SMC4: variants seen among roughly 807,000 people sequenced by gnomAD.
SMC4 encodes structural maintenance of chromosomes protein 4.
In SMC4, 87 loss-of-function variants were observed where a neutral mutation model predicts 145.6. The observed-to-expected ratio is 0.60, with a 90% CI of 0.50 to 0.71. SMC4 has a LOEUF of 0.71. Ranked by LOEUF, SMC4 falls within the 30% of genes least tolerant of loss-of-function variation. The pLI is 0.00. For missense variants in SMC4, 1,447 were observed against 1,537.1 expected (o/e 0.94, Z 0.98); for synonymous variants, 558 against 500.7 (o/e 1.11, Z -1.53).
intron 5 of SMC4, 84 bp from the exon 6 acceptor site, chr3:160,411,836 A>G (rs1204403853): frequency 3.5e-6 from 4 of 1,128,226 alleles, no homozygotes; most frequent in Non-Finnish European, 5.1e-6. Flanking sequence ...TCTTGGCTTT[A>G]TTATTTAACT....
chr3:160,407,003 G>C, intron 5 of SMC4, among the ~76,000 whole-genome samples: 1 of 152,166 alleles, frequency 6.6e-6, no homozygotes, highest in Middle Eastern at 3.2e-3. Context: ...CCCGTTGTAA[G>C]TCTGTACAAG....
At position 160,414,508 on chromosome 3, in the gene SMC4, TAAAG is replaced by T. The variant is rs781204631; in HGVS notation, c.1267_1270del (p.Glu423ArgfsTer37). 22 of 1,610,428 alleles carry T rather than the reference TAAAG, an allele frequency of 1.4e-5. No homozygotes were observed. Among genetic ancestry groups the T allele is most frequent in the Non-Finnish European group, 1.8e-5 (21 of 1,178,938 alleles). ...AACTGGAGAAACAACTTCAAAAAGA[TAAAG>T]AAAAGGTAGGTGTTAGAAAAAAATT... On this transcript the variant is annotated frameshift_variant, in exon 9 of 24. Transcript: ENST00000357388. LOFTEE classifies it high-confidence loss of function.
At chr3:160,400,080 A>T (rs529118581) in intron 1 of SMC4, 9 of 152,470 alleles carry the variant, frequency 5.9e-5, no homozygotes, top group African/African-American at 2.2e-4. Context: ...CGGACTAGTC[A>T]CCGGGTCTCA....
intron 6 of SMC4, 35 bp downstream of exon 6, chr3:160,412,119 ATG>A: frequency 6.3e-7 from 1 of 1,590,652 alleles, no homozygotes; most frequent in Non-Finnish European, 8.6e-7. Context: ...GTAAATCAGA[ATG>A]TTTCATTTAT....
intron 5 of SMC4, among the ~76,000 whole-genome samples, chr3:160,409,014 C>T (rs1005981421): frequency 6.6e-6 from 1 of 151,932 alleles, no homozygotes; most frequent in Non-Finnish European, 1.5e-5. Flanking sequence ...CTGCTGTAAT[C>T]CCAGCACTTT....
intron 23 of SMC4, 36 bp from the exon 24 acceptor site, chr3:160,433,621 T>C (rs757656087): frequency 3.8e-6 from 5 of 1,324,808 alleles, no homozygotes; most frequent in African/African-American, 3.0e-5. Context: ...TTACCTGTTA[T>C]TACTTAATGT....
chr3:160,404,231 C>A, intron 4 of SMC4, 97 bp from the exon 5 acceptor site: 2 of 1,129,002 alleles, frequency 1.8e-6, no homozygotes, highest in Non-Finnish European at 1.3e-6. Flanking sequence ...GTTTTTAATC[C>A]ATAGAATTAG....
At chr3:160,402,611 A>G (rs1714826874) in intron 3 of SMC4, 65 bp from the exon 4 acceptor site, 1 of 1,485,974 alleles carries the variant, frequency 6.7e-7, no homozygotes, top group Non-Finnish European at 9.0e-7. Context: ...GTTTCAGTTA[A>G]AATCAGTAGT....
At chr3:160,420,571 T>C in intron 12 of SMC4, 169 bp from the exon 13 acceptor site, 1 of 525,564 alleles carries the variant, frequency 1.9e-6, no homozygotes, top group Non-Finnish European at 3.2e-6. Flanking sequence ...TCAAGCTGCA[T>C]ATTCATAAAC....
At chr3:160,411,331 T>C (rs1370570599) in intron 5 of SMC4, among the ~76,000 whole-genome samples, 6 of 152,126 alleles carry the variant, frequency 3.9e-5, no homozygotes, top group Non-Finnish European at 8.8e-5. Context: ...TGTCAAAGGC[T>C]CTTGTTTTTA....
chr3:160,402,776 A>G lies in SMC4; in HGVS notation c.419A>G (p.Lys140Arg). Residue 140 changes from lysine (K) to arginine (R), a missense_variant, in exon 4 of 24, where the codon AAA (lysine) becomes AGA (arginine). Transcript: ENST00000357388. The stretch of plus-strand genomic sequence containing the variant: ...TATCGAGCACAAAAAATAAGATCTA[A>G]AAAACTCTCAGTATTAATACATAAT... ...FGYRAQKIRSKKLSVLIHNSD... is the reference protein window; with the variant it reads ...FGYRAQKIRSRKLSVLIHNSD... 6.2e-7 allele frequency: 1 copy of G among 1,612,152 alleles called. No homozygotes were observed. Among genetic ancestry groups the G allele is most frequent in the South Asian group, 1.1e-5 (1 of 90,698 alleles).
chr3:160,419,643 A>G, intron 12 of SMC4, 100 bp downstream of exon 12: 1 of 1,050,556 alleles, frequency 9.5e-7, no homozygotes, highest in Non-Finnish European at 1.4e-6. Flanking sequence ...GTCACTGTAT[A>G]TAAAATAAGA....
intron 5 of SMC4, among the ~76,000 whole-genome samples, chr3:160,406,421 T>C (rs984508862): frequency 6.6e-6 from 1 of 152,114 alleles, no homozygotes; most frequent in Non-Finnish European, 1.5e-5. Context: ...AAGTCGCTTA[T>C]GAAAATCTCA....
intron 14 of SMC4, 52 bp from the exon 15 acceptor site, chr3:160,423,709 T>C: frequency 6.2e-7 from 1 of 1,601,856 alleles, no homozygotes; most frequent in South Asian, 1.1e-5. Flanking sequence ...TTGACTTTAT[T>C]TAATCTTGTT....
intron 18 of SMC4, among the ~76,000 whole-genome samples, chr3:160,429,517 T>C (rs1560013798): frequency 6.6e-6 from 1 of 151,778 alleles, no homozygotes; most frequent in Non-Finnish European, 1.5e-5. Context: ...CTAATTTTTG[T>C]ATTTTTTTTG....
Position 160,420,799 on chromosome 3 carries a change from A to T in SMC4, c.1917A>T (p.Ala639=), listed in dbSNP as rs765524791. ...TGGCTATATCATCCTGTTGTCATGC[A>T]CTGGACTACATTGTTGTTGATTCTA... ...YDVAISSCCH[A]LDYIVVDSID... The change falls in exon 13 of 24, where the codon GCA becomes GCT. Residue 639 remains alanine, a synonymous_variant. Coordinates refer to ENST00000357388, the MANE Select transcript of SMC4 (RefSeq NM_001002800.3). 1 of 1,614,036 alleles carries T rather than the reference A, an allele frequency of 6.2e-7. No homozygotes were observed. The highest frequency in any genetic ancestry group is 1.1e-5 in the South Asian group (1 of 91,042).
At position 160,428,863 on chromosome 3, in the gene SMC4, C is replaced by G. The variant is rs767883854; in HGVS notation, c.2716C>G (p.Leu906Val). ...NHKLKAQQDK[L>V]DKINKQLDEC... ...TAAACTCAAGGCCCAACAAGACAAA[C>G]TTGATAAAATAAATAAGCAATTAGA... is the stretch of plus-strand genomic sequence containing the variant. Residue 906 changes from leucine to valine, a missense_variant, in exon 18 of 24, where the codon CTT (leucine) becomes GTT (valine). By Grantham distance (32) the Leu-to-Val change is conservative. Transcript: ENST00000357388. 5 of 1,606,148 alleles carry G rather than the reference C, an allele frequency of 3.1e-6. No individual in the cohort carries two copies. The highest frequency in any genetic ancestry group is 4.2e-6 in the Non-Finnish European group (5 of 1,178,444).
At chr3:160,412,686 A>AC (rs1268215766) in intron 7 of SMC4, 1 of 819,754 alleles carries the variant, frequency 1.2e-6, no homozygotes, top group Non-Finnish European at 1.5e-6. Context: ...ACATAGCAAG[A>AC]CCCCATCTCT....
At position 160,433,929 on chromosome 3, in the gene SMC4, G is replaced by C; in HGVS notation, c.*120G>C. On this transcript the variant is annotated 3_prime_UTR_variant, in exon 24 of 24. Transcript: ENST00000357388. ...AAACTAGATCATGAAACTGGTTTCT[G>C]TTTTATGCAGTTGTCATTTGTAAAG... 1.5e-6 allele frequency: 1 copy of C among 649,728 alleles called. No individual in the cohort carries two copies. Among genetic ancestry groups the C allele is most frequent in the South Asian group, 2.2e-5 (1 of 44,870 alleles). 40.2% of individuals were successfully genotyped at this position (649,728 alleles called of 1,614,324 possible). A position where few individuals can be genotyped will look rare whatever the true frequency, so the allele number is the denominator to read the frequency against.
Sources: allele counts gnomAD v4.1 joint callset (sites outside exome capture counted in the v4.1 genomes callset), GRCh38; gene constraint gnomAD v4.1.1; transcripts MANE v1.5; gene names NCBI Gene and HGNC (gene_info 2026-07-23, HGNC 2026-07-21).